The following PRPF39 variants were observed in gnomAD, a reference collection of about 807,000 sequenced individuals.
PRPF39 encodes the protein pre-mRNA-processing factor 39.
In PRPF39, 27 loss-of-function variants were observed where a neutral mutation model predicts 82.1. The observed-to-expected ratio is 0.33, with a 90% confidence interval of 0.24 to 0.45. The LOEUF (loss-of-function observed/expected upper bound fraction) is 0.45. Ranked by LOEUF, PRPF39 falls within the 20% of genes least tolerant of loss-of-function variation. PRPF39 has a pLI of 1.00. For missense variants in PRPF39, 581 were observed against 796.9 expected (o/e 0.73, Z 3.26); for synonymous variants, 261 against 256.4 (o/e 1.02, Z -0.17).
intron 1 of PRPF39, among the ~76,000 whole-genome samples, chr14:45,086,163 A>G (rs992892133): frequency 6.6e-6 from 1 of 151,946 alleles, no homozygotes; most frequent in Admixed American, 6.6e-5. Context: ...CTGGTCTAGA[A>G]CTCCTGACTT....
At position 45,095,580 on chromosome 14, in the gene PRPF39, A is replaced by G. The variant is rs376593904; in HGVS notation, c.324+17A>G. On this transcript the variant is annotated intron_variant, in intron 2 of 13. Transcript: ENST00000355765. ...GAACAGGAGGTTAGTAACTATTAAA[A>G]TGGTATCAGAAGGGACAAATTAATC... 35 of 1,556,384 alleles carry G rather than the reference A, an allele frequency of 2.2e-5. No homozygotes were observed. The highest frequency in any genetic ancestry group is 3.0e-5 in the Non-Finnish European group (34 of 1,150,346).
rs1191216514 is a variant in PRPF39, at chr14:45,110,325, CT to C, written c.1303+110del. The C allele has an allele frequency of 1.8e-5, 26 of 1,456,610 alleles. No homozygotes were observed. The highest frequency in any genetic ancestry group is 2.8e-5 in the African/African-American group (2 of 70,350). 90.2% of individuals were successfully genotyped at this position (1,456,610 alleles called of 1,614,324 possible). A position where few individuals can be genotyped will look rare whatever the true frequency, so the allele number is the denominator to read the frequency against. On this transcript the variant is annotated intron_variant, in intron 9 of 13. Coordinates refer to ENST00000355765, the MANE Select transcript of PRPF39 (RefSeq NM_017922.4). This position sits in a 1 kb window ranked among gnomAD's most constrained non-coding sequence, Gnocchi z 4.0. ...ATGGTGTAAAGCAGAGTTTGGCAAA[CT>C]TTTTCTCTAAAGGGCCAGATAGTAA...
chr14:45,110,692 A>G lies in PRPF39; in HGVS notation c.1447A>G (p.Lys483Glu). Residue 483 changes from lysine to glutamate, a missense_variant, in exon 10 of 14, where the codon AAG (lysine) becomes GAG (glutamate). Coordinates refer to ENST00000355765, the MANE Select transcript of PRPF39 (RefSeq NM_017922.4). The surrounding 1 kb of genome is among the most constrained non-coding windows in gnomAD (Gnocchi z 4.0). ...TGAACATTTGCTTCAGGATGCCATTAAGAATGCCAAATCAAATAATGAATC... is the reference window on the plus strand; with the variant it reads ...TGAACATTTGCTTCAGGATGCCATTGAGAATGCCAAATCAAATAATGAATC... ...EAEHLLQDAI[K>E]NAKSNNESSF... The G allele has an allele frequency of 1.3e-6, 2 of 1,572,680 alleles. No individual in the cohort carries two copies. The highest frequency in any genetic ancestry group is 1.2e-5 in the South Asian group (1 of 85,580).
Position 45,115,174 on chromosome 14 carries a change from G to A in PRPF39, c.*261G>A, listed in dbSNP as rs1884800772. The A allele has an allele frequency of 8.3e-6, 2 of 240,484 alleles. No individual in the cohort carries two copies. Among genetic ancestry groups the A allele is most frequent in the Non-Finnish European group, 1.6e-5 (2 of 123,832 alleles). The allele number at this position is 240,484 out of a possible 1,614,324, so 14.9% of individuals were successfully genotyped here. A position where few individuals can be genotyped will look rare whatever the true frequency, so the allele number is the denominator to read the frequency against. On this transcript the variant is annotated 3_prime_UTR_variant, in exon 14 of 14. Transcript: ENST00000355765. The stretch of plus-strand genomic sequence containing the variant: ...GCATTAAGTGGTCTAGAATTCTTTT[G>A]CAATGCATTTGCAACAGAATTTTGT...
rs751756532 is a variant in PRPF39, at chr14:45,110,918, T to C, written c.1572+101T>C. 2.7e-6 allele frequency: 3 copies of C among 1,123,080 alleles called. No homozygotes were observed. In the Admixed American group the frequency reaches 8.5e-5, roughly 32 times the overall value. 69.6% of individuals were successfully genotyped at this position (1,123,080 alleles called of 1,614,324 possible). A position where few individuals can be genotyped will look rare whatever the true frequency, so the allele number is the denominator to read the frequency against. On this transcript the variant is annotated intron_variant, in intron 10 of 13. Coordinates refer to ENST00000355765, the MANE Select transcript of PRPF39 (RefSeq NM_017922.4). This position sits in a 1 kb window ranked among gnomAD's most constrained non-coding sequence, Gnocchi z 4.0. ...GATGAAAGATTTGGTCTGTATGTAA[T>C]AGATTTTATTACTAAATGAGGACAA...
intron 1 of PRPF39, among the ~76,000 whole-genome samples, chr14:45,091,615 A>G (rs530364573): frequency 6.6e-6 from 1 of 152,244 alleles, no homozygotes; most frequent in Non-Finnish European, 1.5e-5. Flanking sequence ...CGAAGAGTGT[A>G]TACAAACCAA....
chr14:45,111,591 C>G (rs545260664), intron 10 of PRPF39, among the ~76,000 whole-genome samples: 2 of 147,778 alleles, frequency 1.4e-5, no homozygotes, highest in Non-Finnish European at 3.0e-5. Flanking sequence ...CTCGGCCTCC[C>G]AAAGTGCTGG....
Position 45,114,053 on chromosome 14 carries a change from T to A in PRPF39, c.1758-130T>A, listed in dbSNP as rs904554357. 4 of 623,330 alleles carry A rather than the reference T, an allele frequency of 6.4e-6. No homozygotes were observed. In the Admixed American group the frequency reaches 1.0e-4, roughly 16 times the overall value. 38.6% of individuals were successfully genotyped at this position (623,330 alleles called of 1,614,324 possible). A position where few individuals can be genotyped will look rare whatever the true frequency, so the allele number is the denominator to read the frequency against. Reference sequence around the variant, plus strand: ...AGTATCAGGACTATGATTTTAGTAGTAGAAATTTTAAAAATAAAGGAGCCG... The same window carrying A: ...AGTATCAGGACTATGATTTTAGTAGAAGAAATTTTAAAAATAAAGGAGCCG... On this transcript the variant is annotated intron_variant, in intron 11 of 13. Coordinates refer to ENST00000355765, the MANE Select transcript of PRPF39 (RefSeq NM_017922.4).
At position 45,115,544 on chromosome 14, in the gene PRPF39, T is replaced by G. The variant is rs1360813673; in HGVS notation, c.*631T>G. 1 of 152,614 alleles carries G rather than the reference T, an allele frequency of 6.6e-6. No homozygotes were observed. Among genetic ancestry groups the G allele is most frequent in the Non-Finnish European group, 1.5e-5 (1 of 68,032 alleles). 9.5% of individuals were successfully genotyped at this position (152,614 alleles called of 1,614,324 possible). ...TTCATGTAAAACTTGTGAACAAGCTTTCATTTTGATCAAACTGATCTTCAT... is the reference window on the plus strand; with the variant it reads ...TTCATGTAAAACTTGTGAACAAGCTGTCATTTTGATCAAACTGATCTTCAT... On this transcript the variant is annotated 3_prime_UTR_variant, in exon 14 of 14. Transcript: ENST00000355765.
In PRPF39 at chr14:45,110,952, C is replaced by T; in HGVS notation, c.1572+135C>T. 1.1e-6 allele frequency: 1 copy of T among 879,734 alleles called. No homozygotes were observed. The highest frequency in any genetic ancestry group is 1.7e-6 in the Non-Finnish European group (1 of 597,262). 54.5% of individuals were successfully genotyped at this position (879,734 alleles called of 1,614,324 possible). A position where few individuals can be genotyped will look rare whatever the true frequency, so the allele number is the denominator to read the frequency against. ...TTACTAAATGAGGACAACAGTCCCT[C>T]TAAACTGATGTTGCCATTTAAAAAT... is the stretch of plus-strand genomic sequence containing the variant. On this transcript the variant is annotated intron_variant, in intron 10 of 13. Transcript: ENST00000355765. This position sits in a 1 kb window ranked among gnomAD's most constrained non-coding sequence, Gnocchi z 4.0.
chr14:45,096,282 TAAC>T, intron 3 of PRPF39, 54 bp downstream of exon 3: 1 of 1,388,338 alleles, frequency 7.2e-7, no homozygotes, highest in Non-Finnish European at 9.6e-7. Flanking sequence ...AGCCAATTAA[TAAC>T]AAAACAAAGA....
At chr14:45,103,301 T>C (rs1449384343) in intron 5 of PRPF39, among the ~76,000 whole-genome samples, 3 of 152,174 alleles carry the variant, frequency 2.0e-5, no homozygotes, top group African/African-American at 7.2e-5. Context: ...TGTTCTGTTT[T>C]CTGCTTTATT....
chr14:45,102,902 A>G (rs936702364), intron 5 of PRPF39, among the ~76,000 whole-genome samples: 4 of 152,184 alleles, frequency 2.6e-5, no homozygotes, highest in Non-Finnish European at 5.9e-5. Flanking sequence ...CTGTTTTTAG[A>G]TAGAAGTTTC....
At chr14:45,091,532 C>T (rs910549981) in intron 1 of PRPF39, among the ~76,000 whole-genome samples, 2 of 151,944 alleles carry the variant, frequency 1.3e-5, no homozygotes, top group African/African-American at 4.8e-5. Context: ...CACATGACCC[C>T]GAATGCAAAA....
intron 10 of PRPF39, among the ~76,000 whole-genome samples, chr14:45,111,584 G>A (rs556150231): frequency 4.7e-5 from 7 of 149,374 alleles, no homozygotes; most frequent in Admixed American, 1.3e-4. Context: ...TGCCTGCCTC[G>A]GCCTCCCAAA....
intron 7 of PRPF39, among the ~76,000 whole-genome samples, chr14:45,109,242 T>G (rs1444787021): frequency 1.3e-5 from 2 of 152,234 alleles, no homozygotes; most frequent in Non-Finnish European, 2.9e-5. Flanking sequence ...AGAACTCTTT[T>G]AGCACTCCAA....
Position 45,109,682 on chromosome 14 carries a change from T to G in PRPF39, c.1078T>G (p.Leu360Val). 1 of 1,608,530 alleles carries G rather than the reference T, an allele frequency of 6.2e-7. No individual in the cohort carries two copies. Among genetic ancestry groups the G allele is most frequent in the Non-Finnish European group, 8.5e-7 (1 of 1,176,902 alleles). The change falls in exon 8 of 14, where the codon TTA becomes GTA. Residue 360 changes from leucine to valine, a missense_variant. Transcript: ENST00000355765. Reference sequence around the variant, plus strand: ...ACAACTAAAAAACTGGAAAGAATACTTAGAATTTGAAATTGAAAATGGGAC... The same window carrying G: ...ACAACTAAAAAACTGGAAAGAATACGTAGAATTTGAAATTGAAAATGGGAC... ...KAQLKNWKEYLEFEIENGTHE... is the reference protein window; with the variant it reads ...KAQLKNWKEYVEFEIENGTHE...
chr14:45,097,083 G>A (rs1594727832), intron 4 of PRPF39, 78 bp downstream of exon 4: 2 of 1,423,058 alleles, frequency 1.4e-6, no homozygotes, highest in East Asian at 5.2e-5. Flanking sequence ...GCTCATGAAA[G>A]CTAAGCTGGA....
chr14:45,114,148 T>C (rs762226086), intron 11 of PRPF39, 35 bp from the exon 12 acceptor site: 1 of 1,456,272 alleles, frequency 6.9e-7, no homozygotes, highest in Non-Finnish European at 9.4e-7. Flanking sequence ...TTGTTTTTTG[T>C]ATATTCCAGA....
Sources: gnomAD v4.1 joint callset for allele counts (sites outside exome capture counted in the v4.1 genomes callset) on GRCh38, gnomAD v4.1.1 for gene constraint, Gnocchi (gnomAD v3.1) non-coding constraint, MANE v1.5 for transcripts, NCBI Gene and HGNC (gene_info 2026-07-23, HGNC 2026-07-21) for gene names.